The following HHAT variants were observed in gnomAD, a reference collection of about 807,000 sequenced individuals.
HHAT encodes the protein hedgehog acyltransferase, also known as protein-cysteine N-palmitoyltransferase HHAT.
HHAT carries 47 observed loss-of-function variants against 70.8 expected under a neutral mutation model. The ratio of observed to expected loss-of-function variants is 0.66; its 90% confidence interval spans 0.53 to 0.85. HHAT has a LOEUF of 0.85. HHAT is among the 40% of genes least tolerant of loss of function. HHAT has a pLI of 0.00. For synonymous variants in HHAT, 228 were observed against 247.6 expected, an observed-to-expected ratio of 0.92 and a Z score of 0.74; for missense variants, 609 against 604.8, an observed-to-expected ratio of 1.01 and a Z score of -0.07.
At chr1:210,645,128 A>G (rs182080946) in intron 11 of HHAT, among the ~76,000 whole-genome samples, 145 of 152,360 alleles carry the variant, frequency 9.5e-4, no homozygotes, top group African/African-American at 3.4e-3. Flanking sequence ...AAAGAATCCA[A>G]GAGGTTACAC....
At chr1:210,338,235 G>T (rs980468879) in intron 1 of HHAT, among the ~76,000 whole-genome samples, 2 of 152,280 alleles carry the variant, frequency 1.3e-5, no homozygotes, top group South Asian at 4.1e-4. Context: ...AGCTACTCGG[G>T]AGGCTGAGAT....
At chr1:210,598,003 G>C (rs188318022) in intron 10 of HHAT, among the ~76,000 whole-genome samples, 260 of 151,986 alleles carry the variant, frequency 1.7e-3, no homozygotes, top group Non-Finnish European at 2.2e-3. Flanking sequence ...GGCTACCACT[G>C]TTGATTATTC....
At chr1:210,532,771 G>A (rs1229521347) in intron 9 of HHAT, among the ~76,000 whole-genome samples, 2 of 144,652 alleles carry the variant, frequency 1.4e-5, no homozygotes, top group African/African-American at 4.9e-5. Flanking sequence ...TGTTGGAGAG[G>A]GAAAACAAAC....
At chr1:210,497,334 CAA>C (rs2094667008) in intron 8 of HHAT, among the ~76,000 whole-genome samples, 1 of 152,084 alleles carries the variant, frequency 6.6e-6, no homozygotes. Context: ...TGAAAAATAA[CAA>C]ATTATTTTTG....
chr1:210,573,395 T>C (rs1481639331), intron 9 of HHAT, among the ~76,000 whole-genome samples: 1 of 152,184 alleles, frequency 6.6e-6, no homozygotes, highest in African/African-American at 2.4e-5. Flanking sequence ...GTGATGTGCC[T>C]GGCTAAGGAA....
intron 7 of HHAT, among the ~76,000 whole-genome samples, chr1:210,454,986 G>T (rs1040640109): frequency 2.0e-5 from 3 of 152,206 alleles, no homozygotes; most frequent in Non-Finnish European, 4.4e-5. Context: ...TTAGTTCATG[G>T]TTGCCCAGTG....
chr1:210,556,661 A>AG (rs1440767117), intron 9 of HHAT, among the ~76,000 whole-genome samples: 1 of 152,142 alleles, frequency 6.6e-6, no homozygotes. Flanking sequence ...GCCATGTTTG[A>AG]TTGATTGCAG....
chr1:210,516,705 G>T (rs2095062931), intron 9 of HHAT, among the ~76,000 whole-genome samples: 1 of 151,796 alleles, frequency 6.6e-6, no homozygotes, highest in Non-Finnish European at 1.5e-5. Context: ...AGTTTGGTTT[G>T]TCAGGCTGTA....
intron 4 of HHAT, among the ~76,000 whole-genome samples, chr1:210,397,572 A>G (rs2091860413): frequency 6.9e-6 from 1 of 145,450 alleles, no homozygotes. Flanking sequence ...TTTTTTTTTG[A>G]AAAGTTAAAA....
At chr1:210,471,900 G>A (rs907007538) in intron 8 of HHAT, among the ~76,000 whole-genome samples, 9 of 151,980 alleles carry the variant, frequency 5.9e-5, no homozygotes, top group Admixed American at 2.0e-4. Context: ...TTTAGTCACC[G>A]TATTATATGA....
chr1:210,462,485 G>A (rs2093999593), intron 7 of HHAT: 1 of 152,140 alleles, frequency 6.6e-6, no homozygotes, highest in Admixed American at 6.5e-5. Flanking sequence ...TGCCCTTCAA[G>A]TATTTTATGA....
At chr1:210,424,717 A>G (rs1041660007) in intron 7 of HHAT, among the ~76,000 whole-genome samples, 11 of 152,080 alleles carry the variant, frequency 7.2e-5, no homozygotes, top group Non-Finnish European at 1.2e-4. Flanking sequence ...TCCATGGTGT[A>G]TATGTACCAC....
chr1:210,594,863 C>G lies in HHAT; in HGVS notation c.1245+6764C>G, dbSNP rs80058570. Among the ~76,000 whole-genome samples, 24 of 152,116 alleles carry G rather than the reference C, an allele frequency of 1.6e-4. 1 individual carries two copies. The highest frequency in any genetic ancestry group is 1.6e-3 in the Admixed American group (24 of 15,266). ...CCTTCAGCACTTTATGTCTTGCTAC[C>G]CTCCCCTGAACTGTAAGGTTTCCAT... On this transcript the variant is annotated intron_variant, in intron 10 of 11. Coordinates refer to ENST00000261458, the MANE Select transcript of HHAT (RefSeq NM_018194.6).
At chr1:210,623,392 G>A in intron 10 of HHAT, 134 bp from the exon 11 acceptor site, 3 of 950,806 alleles carry the variant, frequency 3.2e-6, no homozygotes, top group Non-Finnish European at 4.8e-6. Flanking sequence ...AGTTTTGAGA[G>A]CTGTTTAAAT....
At chr1:210,515,978 G>A (rs1036137763) in intron 9 of HHAT, among the ~76,000 whole-genome samples, 1 of 152,050 alleles carries the variant, frequency 6.6e-6, no homozygotes, top group Non-Finnish European at 1.5e-5. Context: ...GATGAGGCAT[G>A]AGGATCACTT....
At chr1:210,610,988 C>T (rs980629761) in intron 10 of HHAT, among the ~76,000 whole-genome samples, 2 of 152,058 alleles carry the variant, frequency 1.3e-5, no homozygotes, top group African/African-American at 4.8e-5. Context: ...CTTGCCTTGG[C>T]TATTTGGGCT....
chr1:210,506,640 A>G (rs1284498842), intron 8 of HHAT, among the ~76,000 whole-genome samples: 2 of 152,168 alleles, frequency 1.3e-5, no homozygotes, highest in African/African-American at 4.8e-5. Context: ...CTATAGTTTG[A>G]TCACTATCTT....
chr1:210,574,281 C>G (rs1286517360), intron 9 of HHAT, among the ~76,000 whole-genome samples: 1 of 152,110 alleles, frequency 6.6e-6, no homozygotes, highest in Non-Finnish European at 1.5e-5. Flanking sequence ...TGGCCAGGAG[C>G]CTTCTGTGGC....
rs138287853 is a variant in HHAT, at chr1:210,567,934, C to G, written c.1044-19964C>G. ...ATCTTCCTCCCAGTTTCCTGACATA[C>G]AACTCCTAAAATCCTTGGAATCTCT... On this transcript the variant is annotated intron_variant, in intron 9 of 11. Transcript: ENST00000261458. Among the ~76,000 whole-genome samples, 928 of 152,302 alleles carry G rather than the reference C, an allele frequency of 6.1e-3. 13 individuals carry two copies. Among genetic ancestry groups the G allele is most frequent in the African/African-American group, 0.021 (880 of 41,558 alleles).
Sources: allele counts gnomAD v4.1 joint callset (sites outside exome capture counted in the v4.1 genomes callset), GRCh38; gene constraint gnomAD v4.1.1; transcripts MANE v1.5; gene names NCBI Gene and HGNC (gene_info 2026-07-23, HGNC 2026-07-21).